The following MAP2K4 variants were observed in gnomAD, a reference collection of about 807,000 sequenced individuals.
MAP2K4 encodes dual specificity mitogen-activated protein kinase kinase 4.
MAP2K4 carries 4 observed loss-of-function variants against 48.5 expected under a neutral mutation model. The ratio of observed to expected loss-of-function variants is 0.08; its 90% CI spans 0.04 to 0.19. The LOEUF is 0.19. Among genes scored for constraint, MAP2K4 ranks in the 10% least tolerant of loss-of-function variants. The pLI is 1.00. For missense variants in MAP2K4, 258 were observed against 493.3 expected (o/e 0.52, Z 4.52); for synonymous variants, 166 against 173.1 (o/e 0.96, Z 0.32).
At chr17:12,042,167 C>CAAAAAA (rs71142262) in intron 1 of MAP2K4, among the ~76,000 whole-genome samples, 3 of 55,374 alleles carry the variant, frequency 5.4e-5, no homozygotes, top group African/African-American at 6.9e-5. Context: ...AACTTTGTCT[C>CAAAAAA]AAAAAAAAAA....
intron 1 of MAP2K4, among the ~76,000 whole-genome samples, chr17:12,045,790 T>C (rs28918100): frequency 6.6e-6 from 1 of 152,202 alleles, no homozygotes; most frequent in African/African-American, 2.4e-5. Flanking sequence ...ACATAGAAAA[T>C]TTTGTTGGGG....
intron 9 of MAP2K4, among the ~76,000 whole-genome samples, chr17:12,131,011 C>G (rs866544987): frequency 6.6e-6 from 1 of 151,914 alleles, no homozygotes; most frequent in Non-Finnish European, 1.5e-5. Flanking sequence ...AAATGAAAAT[C>G]TTAGGTTGTA....
chr17:12,104,724 T>A (rs1355544703), intron 4 of MAP2K4, among the ~76,000 whole-genome samples: 2 of 152,160 alleles, frequency 1.3e-5, no homozygotes, highest in African/African-American at 4.8e-5. Flanking sequence ...TGTCCTTGTT[T>A]ATACACAAGT....
intron 1 of MAP2K4, among the ~76,000 whole-genome samples, chr17:12,045,998 C>T (rs1256804564): frequency 6.6e-6 from 1 of 152,230 alleles, no homozygotes; most frequent in Non-Finnish European, 1.5e-5. Context: ...AATGTTTCCT[C>T]TTCCTGGCTA....
intron 9 of MAP2K4, among the ~76,000 whole-genome samples, chr17:12,139,509 C>T (rs1681860408): frequency 6.6e-6 from 1 of 152,108 alleles, no homozygotes; most frequent in African/African-American, 2.4e-5. Context: ...CATATATGTA[C>T]ACAAATAATT....
intron 2 of MAP2K4, among the ~76,000 whole-genome samples, chr17:12,063,405 CT>C (rs1970513934): frequency 6.6e-6 from 1 of 152,104 alleles, no homozygotes; most frequent in African/African-American, 2.4e-5. Flanking sequence ...AAAAAATAGG[CT>C]TTTCATAGTG....
chr17:12,057,501 G>T (rs868336904), intron 2 of MAP2K4, among the ~76,000 whole-genome samples: 105 of 152,222 alleles, frequency 6.9e-4, no homozygotes, highest in African/African-American at 2.3e-3. Context: ...GTAATTATAT[G>T]AGGATAAGCC....
chr17:12,044,293 G>C (rs115499449), intron 1 of MAP2K4, among the ~76,000 whole-genome samples: 1 of 152,128 alleles, frequency 6.6e-6, no homozygotes, highest in Admixed American at 6.5e-5. Flanking sequence ...TTTTTCTGTC[G>C]TGAAAAGGAT....
At chr17:12,106,964 A>G (rs1972135429) in intron 4 of MAP2K4, among the ~76,000 whole-genome samples, 1 of 151,890 alleles carries the variant, frequency 6.6e-6, no homozygotes, top group South Asian at 2.1e-4. Context: ...TAATTTATGG[A>G]ACATTTAAGT....
intron 2 of MAP2K4, among the ~76,000 whole-genome samples, chr17:12,061,307 C>T (rs900122904): frequency 1.3e-5 from 2 of 152,134 alleles, no homozygotes; most frequent in African/African-American, 4.8e-5. Context: ...AAGCTTAGAT[C>T]ATTGTACTTC....
chr17:12,105,480 C>T (rs542936934), intron 4 of MAP2K4, among the ~76,000 whole-genome samples: 29 of 152,130 alleles, frequency 1.9e-4, no homozygotes, highest in South Asian at 6.2e-4. Flanking sequence ...TGGTTATATA[C>T]GGATCTTTAG....
At chr17:12,124,157 T>C (rs1299891199) in intron 7 of MAP2K4, 1 of 152,222 alleles carries the variant, frequency 6.6e-6, no homozygotes, top group Non-Finnish European at 1.5e-5. Context: ...CAGATGTCTT[T>C]AGTTGATGCT....
At chr17:12,084,676 T>C (rs760447968) in intron 3 of MAP2K4, among the ~76,000 whole-genome samples, 4 of 152,146 alleles carry the variant, frequency 2.6e-5, no homozygotes, top group Non-Finnish European at 4.4e-5. Context: ...TGCTCAGCTC[T>C]CTGGCAGGTG....
rs552530500 is a variant in MAP2K4, at chr17:12,125,218, A to G, written c.814-76A>G. 761 of 1,041,546 alleles carry G rather than the reference A, an allele frequency of 7.3e-4. 3 individuals carry two copies. The highest frequency in any genetic ancestry group is 9.7e-4 in the East Asian group (41 of 42,230). The allele number at this position is 1,041,546 out of a possible 1,614,324, so 64.5% of individuals were successfully genotyped here. A position where few individuals can be genotyped will look rare whatever the true frequency, so the allele number is the denominator to read the frequency against. ...GAATATACTGGCATTTTGGCTGTCT[A>G]CCCAGCTGTTGCTTCCATTTGCCTA... On this transcript the variant is annotated intron_variant, in intron 7 of 10. Transcript: ENST00000353533.
At position 12,026,277 on chromosome 17, in the gene MAP2K4, C is replaced by A. The variant is rs528537492; in HGVS notation, c.115+5276C>A. Among the ~76,000 whole-genome samples the A allele has an allele frequency of 1.1e-4, 17 of 149,890 alleles. No homozygotes were observed. The East Asian group carries it at 3.5e-3, about 31-fold the overall frequency. Reference sequence around the variant, plus strand: ...TCGTTTTCTTTTTTCGTAAATTTTTCTTCTTTCACTAATTTGAGAAGCTGG... The same window carrying A: ...TCGTTTTCTTTTTTCGTAAATTTTTATTCTTTCACTAATTTGAGAAGCTGG... On this transcript the variant is annotated intron_variant, in intron 1 of 10. Coordinates refer to ENST00000353533, the MANE Select transcript of MAP2K4 (RefSeq NM_003010.4).
Position 12,139,839 on chromosome 17 carries a change from C to T in MAP2K4, c.1041C>T (p.Cys347=), listed in dbSNP as rs2151598578. 2 of 1,600,152 alleles carry T rather than the reference C, an allele frequency of 1.2e-6. No homozygotes were observed. Among genetic ancestry groups the T allele is most frequent in the Non-Finnish European group, 1.7e-6 (2 of 1,170,186 alleles). ...TAATGTTATTTTTATGTTATTTTAG[C>T]CTTACGAAGGATGAATCCAAAAGGC... ...SPSFINFVNL[C]LTKDESKRPK... Residue 347 remains cysteine (C), a splice_region_variant and synonymous_variant, in exon 10 of 11, where the codon TGC becomes TGT. Coordinates refer to ENST00000353533, the MANE Select transcript of MAP2K4 (RefSeq NM_003010.4).
chr17:12,034,381 C>CA (rs1337784578), intron 1 of MAP2K4, among the ~76,000 whole-genome samples: 1 of 152,190 alleles, frequency 6.6e-6, no homozygotes, highest in Non-Finnish European at 1.5e-5. Context: ...GGTGGAGGGG[C>CA]ATATGTATTC....
chr17:12,087,836 TTTGC>T (rs1971419243), intron 3 of MAP2K4, among the ~76,000 whole-genome samples: 1 of 152,102 alleles, frequency 6.6e-6, no homozygotes, highest in Non-Finnish European at 1.5e-5. Context: ...TTCTAGATAA[TTTGC>T]TTGCTTCTTT....
intron 10 of MAP2K4, 86 bp downstream of exon 10, chr17:12,139,970 T>C (rs1973324408): frequency 8.7e-6 from 7 of 803,688 alleles, no homozygotes; most frequent in Non-Finnish European, 1.3e-5. Context: ...GCAGTGGGCC[T>C]CTCTGTCATA....
Sources: allele counts gnomAD v4.1 joint callset (sites outside exome capture counted in the v4.1 genomes callset), GRCh38; gene constraint gnomAD v4.1.1; transcripts MANE v1.5; gene names NCBI Gene and HGNC (gene_info 2026-07-23, HGNC 2026-07-21).